ZMYM2: variants seen among roughly 807,000 people sequenced by gnomAD.
The protein encoded by ZMYM2 is zinc finger MYM-type protein 2.
ZMYM2 carries 56 observed loss-of-function variants against 162.8 expected under a neutral mutation model. The ratio of observed to expected loss-of-function variants is 0.34; its 90% CI spans 0.28 to 0.43. ZMYM2 has a LOEUF of 0.43. Ranked by LOEUF, ZMYM2 falls within the 20% of genes least tolerant of loss-of-function variation. The probability of loss-of-function intolerance (pLI) is 1.00; values close to 1 mark genes in which losing one functional copy is unlikely to be tolerated. For missense variants in ZMYM2, 1,275 were observed against 1,621.8 expected (o/e 0.79, Z 3.67); for synonymous variants, 510 against 541.6 (o/e 0.94, Z 0.81).
chr13:19,889,444 C>T, the ZMYM2 span, among the ~76,000 whole-genome samples: 4 of 151,976 alleles, frequency 2.6e-5, no homozygotes, highest in Non-Finnish European at 5.9e-5. Flanking sequence ...CTCAGCCTCC[C>T]AAGTAGCTGG....
the ZMYM2 span, among the ~76,000 whole-genome samples, chr13:19,905,006 ATTTTTTT>A: frequency 7.7e-6 from 1 of 129,920 alleles, no homozygotes; most frequent in South Asian, 2.4e-4. Context: ...CTTGCTTTCA[ATTTTTTT>A]TTTTTTTTTT....
Position 20,003,024 on chromosome 13 carries a change from G to T in ZMYM2, c.1022G>T (p.Gly341Val). ...CANCKKPLQK[G>V]QTAYQRKGSA... Reference sequence around the variant, plus strand: ...AACTGCAAAAAACCTTTACAGAAGGGCCAGACAGCTTATCAACGAAAAGGA... The same window carrying T: ...AACTGCAAAAAACCTTTACAGAAGGTCCAGACAGCTTATCAACGAAAAGGA... The change falls in exon 4 of 25, where the codon GGC becomes GTC. Residue 341 changes from glycine (G) to valine (V), a missense_variant. Transcript: ENST00000610343. 1 of 1,614,108 alleles carries T rather than the reference G, an allele frequency of 6.2e-7. No homozygotes were observed. The highest frequency in any genetic ancestry group is 8.5e-7 in the Non-Finnish European group (1 of 1,180,018).
rs771213597 is a variant in ZMYM2, at chr13:20,058,743, C to T, written c.2623+39C>T. On this transcript the variant is annotated intron_variant, in intron 15 of 24. Transcript: ENST00000610343. ...ATGTGACTTACATACTTCCCCATACCTTCATCTCACCTAATGAAATACATG... is the reference window on the plus strand; with the variant it reads ...ATGTGACTTACATACTTCCCCATACTTTCATCTCACCTAATGAAATACATG... 3.7e-6 allele frequency: 6 copies of T among 1,606,464 alleles called. 1 individual carries two copies. The Admixed American group carries it at 8.4e-5, about 22-fold the overall frequency.
intron 8 of ZMYM2, 65 bp downstream of exon 8, chr13:20,026,827 T>C: frequency 6.8e-7 from 1 of 1,461,374 alleles, no homozygotes; most frequent in East Asian, 2.4e-5. Context: ...GCATAAATAC[T>C]CATTTGATGT....
chr13:20,012,959 A>T (rs1001839140), intron 6 of ZMYM2, among the ~76,000 whole-genome samples: 1 of 152,160 alleles, frequency 6.6e-6, no homozygotes, highest in African/African-American at 2.4e-5. Flanking sequence ...ATTTTATATG[A>T]ATTTGAAGAT....
At chr13:19,931,031 TG>T in the ZMYM2 span, among the ~76,000 whole-genome samples, 1 of 150,148 alleles carries the variant, frequency 6.7e-6, no homozygotes, top group Non-Finnish European at 1.5e-5. Flanking sequence ...CCTAGCTACT[TG>T]GGGGGCTGAG....
chr13:20,080,750 A>G (rs1957858365), intron 21 of ZMYM2, among the ~76,000 whole-genome samples: 1 of 152,158 alleles, frequency 6.6e-6, no homozygotes. Flanking sequence ...TTGGCCTCCC[A>G]AAGTGCTGAG....
At chr13:20,039,389 G>A (rs952555090) in intron 12 of ZMYM2, among the ~76,000 whole-genome samples, 7 of 151,900 alleles carry the variant, frequency 4.6e-5, no homozygotes, top group Admixed American at 2.6e-4. Flanking sequence ...TTTTGCCTGT[G>A]CAGTATGATG....
intron 2 of ZMYM2, among the ~76,000 whole-genome samples, chr13:19,981,563 G>C (rs897496883): frequency 1.3e-5 from 2 of 152,142 alleles, no homozygotes; most frequent in Non-Finnish European, 2.9e-5. Context: ...GGTTTCAGTA[G>C]GTGGGAAATG....
the ZMYM2 span, among the ~76,000 whole-genome samples, chr13:19,947,692 T>TAGG: frequency 2.0e-5 from 3 of 151,468 alleles, no homozygotes; most frequent in East Asian, 1.9e-4. Context: ...TAGGCTAGTC[T>TAGG]CGAATTGTCT....
At chr13:20,046,591 G>A (rs1593096103) in intron 12 of ZMYM2, among the ~76,000 whole-genome samples, 7 of 24,438 alleles carry the variant, frequency 2.9e-4, no homozygotes, top group Admixed American at 2.4e-3. Context: ...ATGTGTGTGT[G>A]TGTGTGTGTG....
chr13:20,086,984 T>C lies in ZMYM2; in HGVS notation c.*970T>C. 5.5e-6 allele frequency: 1 copy of C among 182,578 alleles called. No homozygotes were observed. Among genetic ancestry groups the C allele is most frequent in the East Asian group, 8.9e-5 (1 of 11,256 alleles). The allele number at this position is 182,578 out of a possible 1,614,324, so 11.3% of individuals were successfully genotyped here. A position where few individuals can be genotyped will look rare whatever the true frequency, so the allele number is the denominator to read the frequency against. ...ATACAGATCATGCTGCAATGTTAGC[T>C]GTGTAGTACTCTAAAACTTAGCAAT... is the stretch of plus-strand genomic sequence containing the variant. On this transcript the variant is annotated 3_prime_UTR_variant, in exon 25 of 25. Transcript: ENST00000610343.
In ZMYM2 at chr13:20,027,222, T is replaced by C; in HGVS notation, c.1755T>C (p.His585=). The change falls in exon 9 of 25, where the codon CAT becomes CAC. Residue 585 remains histidine, a synonymous_variant. Transcript: ENST00000610343. ...AKSQSLGIIC[H]FCKRNSLPQY... is the part of the protein sequence containing the mutation. ...TCCTAGGTTTGGGAATTATTTGCCATTTTTGTAAGCGAAACTCTTTACCTC... is the reference window on the plus strand; with the variant it reads ...TCCTAGGTTTGGGAATTATTTGCCACTTTTGTAAGCGAAACTCTTTACCTC... 1 of 1,577,266 alleles carries C rather than the reference T, an allele frequency of 6.3e-7. No homozygotes were observed. The highest frequency in any genetic ancestry group is 8.6e-7 in the Non-Finnish European group (1 of 1,159,782).
In ZMYM2 at chr13:19,992,435, C is replaced by T. The variant is rs192384502; in HGVS notation, c.-10-628C>T. 1.1e-4 allele frequency among the ~76,000 whole-genome samples: 16 copies of T among 152,046 alleles called. No individual in the cohort carries two copies. The East Asian group carries it at 1.9e-3, about 18-fold the overall frequency. On this transcript the variant is annotated intron_variant, in intron 2 of 24. Transcript: ENST00000610343. Reference sequence around the variant, plus strand: ...TAAATAAATTAGCCAGGTGTGGTGGCGATGGCCTGTAGTCCCAGCTACTTG... The same window carrying T: ...TAAATAAATTAGCCAGGTGTGGTGGTGATGGCCTGTAGTCCCAGCTACTTG...
chr13:19,923,075 C>G, the ZMYM2 span, among the ~76,000 whole-genome samples: 1 of 149,512 alleles, frequency 6.7e-6, no homozygotes, highest in East Asian at 2.0e-4. Context: ...TGTGATGGCT[C>G]ACGCCTGTAA....
intron 2 of ZMYM2, among the ~76,000 whole-genome samples, chr13:19,977,452 A>G (rs970831298): frequency 6.7e-6 from 1 of 149,430 alleles, no homozygotes; most frequent in Admixed American, 6.7e-5. Context: ...TACCTCTGCC[A>G]TTTTGCTGTT....
At chr13:20,008,214 A>G (rs188495269) in intron 6 of ZMYM2, among the ~76,000 whole-genome samples, 6 of 151,968 alleles carry the variant, frequency 3.9e-5, no homozygotes, top group South Asian at 2.1e-4. Flanking sequence ...ACTGCAGTCT[A>G]CTTTTCCTGG....
At chr13:19,883,106 T>C in the ZMYM2 span, among the ~76,000 whole-genome samples, 4 of 152,176 alleles carry the variant, frequency 2.6e-5, no homozygotes, top group Non-Finnish European at 5.9e-5. Flanking sequence ...ACAACATGAA[T>C]GAACCTCAAA....
At chr13:19,927,032 T>G in the ZMYM2 span, among the ~76,000 whole-genome samples, 2 of 152,364 alleles carry the variant, frequency 1.3e-5, no homozygotes, top group South Asian at 4.1e-4. Context: ...GAACTAGTTT[T>G]GATAACTTCT....
Sources: allele counts gnomAD v4.1 joint callset (sites outside exome capture counted in the v4.1 genomes callset), GRCh38; gene constraint gnomAD v4.1.1; transcripts MANE v1.5; gene names NCBI Gene and HGNC (gene_info 2026-07-23, HGNC 2026-07-21).